Variants in ARID4B observed in about 807,000 individuals in gnomAD.
ARID4B encodes the protein AT-rich interactive domain-containing protein 4B.
A neutral mutation model predicts 147.5 loss-of-function variants in ARID4B; 26 were observed. The ratio of observed to expected loss-of-function variants is 0.18; its 90% CI spans 0.13 to 0.24. The LOEUF is 0.24. ARID4B is among the 10% of genes least tolerant of loss of function. ARID4B has a pLI of 1.00. For missense variants in ARID4B, 1,179 were observed against 1,511.5 expected, an observed-to-expected ratio of 0.78 and a Z score of 3.65; for synonymous variants, 512 against 507.9, an observed-to-expected ratio of 1.01 and a Z score of -0.11.
chr1:235,220,901 T>G (rs1006130808), intron 14 of ARID4B, among the ~76,000 whole-genome samples: 10 of 147,008 alleles, frequency 6.8e-5, no homozygotes, highest in African/African-American at 1.6e-4. Flanking sequence ...TTTTTTTTTG[T>G]TTTTTTTTGT....
At chr1:235,213,131 A>C (rs1666814592) in intron 17 of ARID4B, among the ~76,000 whole-genome samples, 1 of 152,192 alleles carries the variant, frequency 6.6e-6, no homozygotes, top group Admixed American at 6.5e-5. Flanking sequence ...AAAATGCTTA[A>C]GTCATTGAAC....
chr1:235,271,173 C>T lies in ARID4B; in HGVS notation c.7-10421G>A, dbSNP rs12048649. Among the ~76,000 whole-genome samples, 9 of 151,734 alleles carry T rather than the reference C, an allele frequency of 5.9e-5. No individual in the cohort carries two copies. In the East Asian group the frequency reaches 1.6e-3, roughly 26 times the overall value. ...TTTGAGACGAGCCTGGGCAACATAGCGAGACTTCATCTCTACAAATAATTT... is the reference window on the plus strand; with the variant it reads ...TTTGAGACGAGCCTGGGCAACATAGTGAGACTTCATCTCTACAAATAATTT... On this transcript the variant is annotated intron_variant, in intron 2 of 23. Coordinates refer to ENST00000264183, the MANE Select transcript of ARID4B (RefSeq NM_016374.6).
chr1:235,220,916 TTGAGACAGCCTTACTC>T (rs1296767424), intron 14 of ARID4B, among the ~76,000 whole-genome samples: 3 of 152,106 alleles, frequency 2.0e-5, no homozygotes, highest in African/African-American at 7.2e-5. Flanking sequence ...TTTTGTTTTT[TTGAGACAGCCTTACTC>T]TGTTGCCCAG....
chr1:235,258,651 A>G (rs1276565018), intron 3 of ARID4B, among the ~76,000 whole-genome samples: 3 of 152,236 alleles, frequency 2.0e-5, no homozygotes, highest in Non-Finnish European at 4.4e-5. Flanking sequence ...GGTCTTTATC[A>G]GGTATATGTG....
chr1:235,257,085 G>A, intron 4 of ARID4B, 75 bp downstream of exon 4: 1 of 980,346 alleles, frequency 1.0e-6, no homozygotes, highest in Non-Finnish European at 1.6e-6. Flanking sequence ...TAACAAAAGA[G>A]CCAATGAATT....
intron 2 of ARID4B, among the ~76,000 whole-genome samples, chr1:235,316,446 C>G (rs1674438049): frequency 6.6e-6 from 1 of 151,924 alleles, no homozygotes; most frequent in South Asian, 2.1e-4. Context: ...GAGCCAGAGG[C>G]TGCAGTAAGC....
At chr1:235,208,959 GT>G (rs1392525244) in intron 17 of ARID4B, among the ~76,000 whole-genome samples, 2 of 152,118 alleles carry the variant, frequency 1.3e-5, no homozygotes, top group African/African-American at 2.4e-5. Flanking sequence ...CTAGACAATA[GT>G]TTTAGATACT....
intron 21 of ARID4B, 46 bp from the exon 22 acceptor site, chr1:235,175,445 ATT>A (rs1313832609): frequency 2.7e-6 from 4 of 1,470,486 alleles, no homozygotes; most frequent in Non-Finnish European, 3.8e-6. Context: ...GTAACAATAA[ATT>A]TGTCACAGAT....
intron 23 of ARID4B, among the ~76,000 whole-genome samples, chr1:235,172,373 T>C (rs1231462407): frequency 6.6e-6 from 1 of 152,074 alleles, no homozygotes; most frequent in Non-Finnish European, 1.5e-5. Context: ...GGTCAGGAGT[T>C]AGAGACCAGC....
chr1:235,262,240 A>C (rs985447038), intron 2 of ARID4B, among the ~76,000 whole-genome samples: 4 of 152,196 alleles, frequency 2.6e-5, no homozygotes, highest in African/African-American at 7.2e-5. Context: ...CCCAAAGAAA[A>C]AGGGAAAAAA....
chr1:235,189,030 C>T (rs373271705), intron 19 of ARID4B, among the ~76,000 whole-genome samples: 1 of 152,086 alleles, frequency 6.6e-6, no homozygotes. Flanking sequence ...GGTATTGCAT[C>T]CATCTATAAG....
intron 2 of ARID4B, among the ~76,000 whole-genome samples, chr1:235,324,919 T>C (rs1444808499): frequency 6.6e-6 from 1 of 151,398 alleles, no homozygotes; most frequent in Non-Finnish European, 1.5e-5. Flanking sequence ...AAAAGAAAAA[T>C]AAAAAAGAAC....
chr1:235,283,157 G>C (rs956170772), intron 2 of ARID4B, among the ~76,000 whole-genome samples: 1 of 152,148 alleles, frequency 6.6e-6, no homozygotes, highest in African/African-American at 2.4e-5. Flanking sequence ...AAACAATTAT[G>C]TAGATAAATA....
chr1:235,276,892 C>A (rs984860954), intron 2 of ARID4B, among the ~76,000 whole-genome samples: 1 of 149,984 alleles, frequency 6.7e-6, no homozygotes. Flanking sequence ...CCCAGCTACT[C>A]GGGAGGCTGA....
chr1:235,309,333 G>A lies in ARID4B; in HGVS notation c.6+17581C>T, dbSNP rs1176785540. Among the ~76,000 whole-genome samples the A allele has an allele frequency of 1.9e-4, 27 of 145,492 alleles. 2 individuals carry two copies. The highest frequency in any genetic ancestry group is 1.8e-3 in the Admixed American group (26 of 14,752). On this transcript the variant is annotated intron_variant, in intron 2 of 23. Transcript: ENST00000264183. ...CCTCCGCCCGGCAGCCGCCCCATCT[G>A]AGAAGTGAGGAGCCCCTCCGCCCGG...
At chr1:235,219,752 A>C in intron 16 of ARID4B, 41 bp downstream of exon 16, 2 of 1,483,166 alleles carry the variant, frequency 1.3e-6, no homozygotes, top group Non-Finnish European at 1.8e-6. Flanking sequence ...ATAAGAATCC[A>C]TCAAGCTGAA....
At chr1:235,240,533 A>G in intron 7 of ARID4B, 82 bp from the exon 8 acceptor site, 1 of 1,286,028 alleles carries the variant, frequency 7.8e-7, no homozygotes, top group African/African-American at 1.5e-5. Context: ...GTATTCCCAA[A>G]CTCTTATTAC....
intron 2 of ARID4B, among the ~76,000 whole-genome samples, chr1:235,317,614 A>C (rs1674529234): frequency 6.6e-6 from 1 of 151,938 alleles, no homozygotes; most frequent in South Asian, 2.1e-4. Context: ...ACTTCCATAA[A>C]CTCATTTTTT....
At chr1:235,301,905 G>C (rs1233992725) in intron 2 of ARID4B, among the ~76,000 whole-genome samples, 4 of 151,440 alleles carry the variant, frequency 2.6e-5, no homozygotes, top group Non-Finnish European at 2.9e-5. Flanking sequence ...AGTAGAGAGG[G>C]GGTTTCAAAA....
Sources: gnomAD v4.1 joint callset for allele counts (sites outside exome capture counted in the v4.1 genomes callset) on GRCh38, gnomAD v4.1.1 for gene constraint, MANE v1.5 for transcripts, NCBI Gene and HGNC (gene_info 2026-07-23, HGNC 2026-07-21) for gene names.